The following AVEN variants were observed in gnomAD, a reference collection of about 807,000 sequenced individuals.
The protein encoded by AVEN is cell death regulator Aven.
In AVEN, 41 loss-of-function variants were observed where a neutral mutation model predicts 38.1. The observed-to-expected ratio is 1.08, with a 90% CI of 0.84 to 1.40. The LOEUF is 1.40. AVEN is among the 40% of genes most tolerant of loss of function. The pLI, the probability that AVEN is intolerant of heterozygous loss-of-function variation, is 0.00. For synonymous variants in AVEN, 206 were observed against 171.8 expected (o/e 1.20, Z -1.56); for missense variants, 605 against 438.8 (o/e 1.38, Z -3.38).
At chr15:34,028,628 AAGTGACTATAAATAT>A (rs1401372739) in intron 1 of AVEN, among the ~76,000 whole-genome samples, 1 of 152,240 alleles carries the variant, frequency 6.6e-6, no homozygotes, top group Non-Finnish European at 1.5e-5. Context: ...CAAAGTGGCA[AAGTGACTATAAATAT>A]AGTAAATATA....
At position 33,939,252 on chromosome 15, in the gene AVEN, T is replaced by G. The variant is rs1894218909; in HGVS notation, c.446-63257A>C. ...CTCTTCTTCACTTCTATACAAATTG[T>G]CACTGAATTTACAATGTGTTCAATA... On this transcript the variant is annotated intron_variant, in intron 2 of 5. Coordinates refer to ENST00000306730, the MANE Select transcript of AVEN (RefSeq NM_020371.3). Among the ~76,000 whole-genome samples the G allele has an allele frequency of 3.3e-5, 5 of 152,344 alleles. No homozygotes were observed. The South Asian group carries it at 1.0e-3, about 32-fold the overall frequency.
intron 5 of AVEN, among the ~76,000 whole-genome samples, chr15:34,057,484 G>A (rs1900200406): frequency 6.6e-6 from 1 of 152,100 alleles, no homozygotes; most frequent in Non-Finnish European, 1.5e-5. Context: ...TTGCTACTTT[G>A]TAGTGAACAT....
chr15:33,992,262 C>A (rs113400534), intron 2 of AVEN, among the ~76,000 whole-genome samples: 269 of 152,244 alleles, frequency 1.8e-3, no homozygotes, highest in Non-Finnish European at 2.4e-3. Flanking sequence ...TGGTGGCGGG[C>A]ACCTGTAGTC....
At chr15:33,984,556 T>C (rs959505869) in intron 2 of AVEN, among the ~76,000 whole-genome samples, 1 of 152,054 alleles carries the variant, frequency 6.6e-6, no homozygotes, top group Non-Finnish European at 1.5e-5. Flanking sequence ...GCATGCTCCA[T>C]CACACCCGGC....
chr15:33,985,206 A>AAGAC (rs1325811196), intron 2 of AVEN, among the ~76,000 whole-genome samples: 2 of 152,012 alleles, frequency 1.3e-5, no homozygotes, highest in African/African-American at 4.8e-5. Flanking sequence ...GTGCTAGCAG[A>AAGAC]AGACATGAGA....
intron 2 of AVEN, chr15:33,972,167 C>T (rs147863796): frequency 1.0e-3 from 158 of 152,140 alleles, no homozygotes; most frequent in African/African-American, 3.4e-3. Flanking sequence ...CGGGAGTAAA[C>T]ATCATGTTGG....
intron 2 of AVEN, among the ~76,000 whole-genome samples, chr15:33,925,285 T>C (rs1893568055): frequency 6.6e-6 from 1 of 152,198 alleles, no homozygotes; most frequent in African/African-American, 2.4e-5. Flanking sequence ...TAGCATTAGA[T>C]GGGGAGACAT....
intron 2 of AVEN, among the ~76,000 whole-genome samples, chr15:33,983,290 T>C (rs1896271347): frequency 6.6e-6 from 1 of 150,546 alleles, no homozygotes; most frequent in Admixed American, 6.6e-5. Flanking sequence ...AAAGATAAAA[T>C]AAGCTTTTTG....
chr15:34,046,752 T>G (rs547301470), intron 5 of AVEN: 1 of 152,460 alleles, frequency 6.6e-6, no homozygotes, highest in South Asian at 2.1e-4. Context: ...GGTTCTCGCT[T>G]TGGGACTAAT....
At chr15:33,901,364 AC>A (rs1481699185) in intron 2 of AVEN, among the ~76,000 whole-genome samples, 1 of 152,226 alleles carries the variant, frequency 6.6e-6, no homozygotes, top group African/African-American at 2.4e-5. Context: ...ACAATGAAAT[AC>A]CGACACGTGC....
At chr15:34,017,484 G>GTTGT (rs1555516576) in intron 1 of AVEN, among the ~76,000 whole-genome samples, 2 of 107,344 alleles carry the variant, frequency 1.9e-5, no homozygotes, top group Non-Finnish European at 4.0e-5. Context: ...TTTTTTTTTT[G>GTTGT]TTTTTTTTTT....
intron 11 of AVEN, among the ~76,000 whole-genome samples, chr15:33,860,023 C>T (rs1164983624): frequency 1.3e-5 from 2 of 152,184 alleles, no homozygotes; most frequent in African/African-American, 4.8e-5. Flanking sequence ...TCTCCTGTGG[C>T]TAGTCTTGTC....
At chr15:33,890,864 C>T (rs1205053414) in intron 2 of AVEN, among the ~76,000 whole-genome samples, 1 of 152,190 alleles carries the variant, frequency 6.6e-6, no homozygotes, top group African/African-American at 2.4e-5. Context: ...GTAATCCCAG[C>T]ACTTTGGGAG....
chr15:33,983,215 C>CATATATATATAT (rs148035145), intron 2 of AVEN, among the ~76,000 whole-genome samples: 1 of 111,784 alleles, frequency 8.9e-6, no homozygotes, highest in African/African-American at 4.1e-5. Context: ...TATATATATA[C>CATATATATATAT]ATATATATAC....
chr15:33,924,120 T>G (rs1191534325), intron 2 of AVEN, among the ~76,000 whole-genome samples: 1 of 151,976 alleles, frequency 6.6e-6, no homozygotes, highest in Non-Finnish European at 1.5e-5. Context: ...GAAACCAGTC[T>G]CTGGTGCCAA....
At chr15:33,919,802 G>A (rs572435059) in intron 2 of AVEN, among the ~76,000 whole-genome samples, 45 of 152,130 alleles carry the variant, frequency 3.0e-4, no homozygotes, top group Admixed American at 1.5e-3. Context: ...AAATTAACAC[G>A]AAGTACAAAA....
At chr15:33,970,267 A>G (rs1400435364) in intron 2 of AVEN, among the ~76,000 whole-genome samples, 1 of 151,946 alleles carries the variant, frequency 6.6e-6, no homozygotes, top group East Asian at 1.9e-4. Context: ...GGAGTAAATT[A>G]TATGATCCCT....
rs1301171133 is a variant in AVEN at position 34,069,441 on chromosome 15, A to C, written n.784+1147T>G. 2.0e-5 allele frequency among the ~76,000 whole-genome samples: 3 copies of C among 152,240 alleles called. No homozygotes were observed. In the East Asian group the frequency reaches 5.8e-4, roughly 30 times the overall value. On this transcript the variant is annotated intron_variant and non_coding_transcript_variant, in intron 2 of 11. Transcript: ENST00000675287. ...CACTCCAGCCTGAAAACAGAGAAAGACTTCATCTCTAAAAATAAATAAGTA... is the reference window on the plus strand; with the variant it reads ...CACTCCAGCCTGAAAACAGAGAAAGCCTTCATCTCTAAAAATAAATAAGTA...
intron 2 of AVEN, among the ~76,000 whole-genome samples, chr15:33,899,949 T>G (rs886474266): frequency 6.6e-6 from 1 of 151,400 alleles, no homozygotes; most frequent in Non-Finnish European, 1.5e-5. Flanking sequence ...TTTTTTTTTT[T>G]CACACACAAG....
Sources: allele counts gnomAD v4.1 joint callset (sites outside exome capture counted in the v4.1 genomes callset), GRCh38; gene constraint gnomAD v4.1.1; transcripts MANE v1.5; gene names NCBI Gene and HGNC (gene_info 2026-07-23, HGNC 2026-07-21).